Variants in AGMO observed in about 807,000 individuals in gnomAD.
AGMO encodes glyceryl-ether monooxygenase.
AGMO carries 75 observed loss-of-function variants against 60.2 expected under a neutral mutation model. The ratio of observed to expected loss-of-function variants is 1.25; its 90% confidence interval spans 1.03 to 1.51. The LOEUF (loss-of-function observed/expected upper bound fraction) is 1.51. Among genes scored for constraint, AGMO ranks in the 40% most tolerant of loss-of-function variants. The pLI, the probability that AGMO is intolerant of heterozygous loss-of-function variation, is 0.00. For synonymous variants in AGMO, 261 were observed against 177.1 expected (o/e 1.47, Z -3.76); for missense variants, 763 against 525.5 (o/e 1.45, Z -4.42).
chr7:15,342,707 C>T (rs917351801), intron 12 of AGMO, among the ~76,000 whole-genome samples: 3 of 135,520 alleles, frequency 2.2e-5, no homozygotes, highest in Non-Finnish European at 4.6e-5. Context: ...AGAAAAGGAA[C>T]TGTCATCTCA....
intron 3 of AGMO, among the ~76,000 whole-genome samples, chr7:15,535,364 G>A (rs1784462594): frequency 6.6e-6 from 1 of 151,884 alleles, no homozygotes; most frequent in Non-Finnish European, 1.5e-5. Flanking sequence ...TGGAATAAAA[G>A]AATCGGAATT....
intron 3 of AGMO, among the ~76,000 whole-genome samples, chr7:15,508,830 T>C (rs1783597230): frequency 6.6e-6 from 1 of 152,178 alleles, no homozygotes; most frequent in Admixed American, 6.5e-5. Context: ...TAATAATGTA[T>C]GGATATTTAA....
intron 12 of AGMO, among the ~76,000 whole-genome samples, chr7:15,276,072 G>T (rs1783777038): frequency 6.6e-6 from 1 of 152,098 alleles, no homozygotes; most frequent in Non-Finnish European, 1.5e-5. Context: ...TCCTAGTGTT[G>T]TTAGCTAGTT....
Position 15,241,997 on chromosome 7 carries a change from G to T in AGMO, c.1264-40638C>A, listed in dbSNP as rs1476612262. On this transcript the variant is annotated intron_variant, in intron 12 of 12. Coordinates refer to ENST00000342526, the MANE Select transcript of AGMO (RefSeq NM_001004320.2). ...TATATTTCCTCCCTCAATCTTATAAGTATGCCACATGGAATACTTCTTAAG... is the reference window on the plus strand; with the variant it reads ...TATATTTCCTCCCTCAATCTTATAATTATGCCACATGGAATACTTCTTAAG... 2.0e-5 allele frequency among the ~76,000 whole-genome samples: 3 copies of T among 152,068 alleles called. No homozygotes were observed. In the East Asian group the frequency reaches 5.8e-4, roughly 29 times the overall value.
chr7:15,167,313 T>G, the AGMO span, among the ~76,000 whole-genome samples: 4 of 152,206 alleles, frequency 2.6e-5, no homozygotes, highest in Non-Finnish European at 4.4e-5. Context: ...CATTGCTTTA[T>G]AAATTAAGCT....
intron 3 of AGMO, among the ~76,000 whole-genome samples, chr7:15,432,001 T>C (rs1781254965): frequency 6.6e-6 from 1 of 151,796 alleles, no homozygotes; most frequent in African/African-American, 2.4e-5. Flanking sequence ...CCTAACAAAA[T>C]TATAGATCGA....
At chr7:15,169,861 T>C in the AGMO span, among the ~76,000 whole-genome samples, 1 of 152,236 alleles carries the variant, frequency 6.6e-6, no homozygotes, top group African/African-American at 2.4e-5. Flanking sequence ...AGGTCACCCA[T>C]GTATCTGAGG....
At chr7:15,131,008 T>C in the AGMO span, among the ~76,000 whole-genome samples, 4 of 152,150 alleles carry the variant, frequency 2.6e-5, no homozygotes, top group Admixed American at 2.0e-4. Flanking sequence ...GAGCTTCTAA[T>C]TGCCAATAGC....
At chr7:15,387,366 GAC>G in intron 9 of AGMO, 38 bp downstream of exon 9, 1 of 1,600,236 alleles carries the variant, frequency 6.2e-7, no homozygotes, top group Middle Eastern at 1.7e-4. Context: ...GACAATATGA[GAC>G]AATCTTCACC....
intron 3 of AGMO, among the ~76,000 whole-genome samples, chr7:15,501,866 A>C (rs986083180): frequency 3.9e-5 from 6 of 152,076 alleles, no homozygotes; most frequent in Non-Finnish European, 7.4e-5. Context: ...TGCAGAAAAA[A>C]AAATTGATTT....
chr7:15,244,829 T>G (rs760199207), intron 12 of AGMO, among the ~76,000 whole-genome samples: 1 of 152,082 alleles, frequency 6.6e-6, no homozygotes, highest in Non-Finnish European at 1.5e-5. Context: ...TTTTTTTGTA[T>G]TTTTAGTAGA....
At chr7:15,232,826 C>A (rs1046719020) in intron 12 of AGMO, among the ~76,000 whole-genome samples, 38 of 148,292 alleles carry the variant, frequency 2.6e-4, no homozygotes, top group East Asian at 9.8e-4. Flanking sequence ...CACACACACA[C>A]AAAAACTAAA....
chr7:15,327,916 C>G (rs748724428), intron 12 of AGMO, among the ~76,000 whole-genome samples: 15 of 150,534 alleles, frequency 1.0e-4, no homozygotes, highest in Admixed American at 3.3e-4. Context: ...CAGGTGTATG[C>G]CATGTTGCCG....
At chr7:15,432,335 T>TACATAC (rs1781269872) in intron 3 of AGMO, among the ~76,000 whole-genome samples, 1 of 136,642 alleles carries the variant, frequency 7.3e-6, no homozygotes, top group South Asian at 2.3e-4. Flanking sequence ...TATGTATATA[T>TACATAC]ATATATATAT....
chr7:15,297,364 T>C (rs888115107), intron 12 of AGMO, among the ~76,000 whole-genome samples: 1 of 152,192 alleles, frequency 6.6e-6, no homozygotes, highest in Admixed American at 6.5e-5. Flanking sequence ...ATTGTAGTTA[T>C]TGGCATTATG....
chr7:15,324,886 CTGTG>C lies in AGMO; in HGVS notation c.1263+40624_1263+40627del, dbSNP rs1485906001. Among the ~76,000 whole-genome samples the C allele has an allele frequency of 2.6e-5, 4 of 152,058 alleles. No individual in the cohort carries two copies. In the East Asian group the frequency reaches 7.7e-4, roughly 29 times the overall value. On this transcript the variant is annotated intron_variant, in intron 12 of 12. Coordinates refer to ENST00000342526, the MANE Select transcript of AGMO (RefSeq NM_001004320.2). ...TTATTTGCCTGCTGCTCACCTCCTG[CTGTG>C]TGGTCCGGTTCCTAATAGGCCACCA...
In AGMO at chr7:15,251,710, C is replaced by A. The variant is rs1782943217; in HGVS notation, c.1264-50351G>T. On this transcript the variant is annotated intron_variant, in intron 12 of 12. Coordinates refer to ENST00000342526, the MANE Select transcript of AGMO (RefSeq NM_001004320.2). ...TAGAAGGCTAGTGTTAGACATTCCTCCCAGTTGAGTCCTTGCAGCAGCCAT... is the reference window on the plus strand; with the variant it reads ...TAGAAGGCTAGTGTTAGACATTCCTACCAGTTGAGTCCTTGCAGCAGCCAT... Among the ~76,000 whole-genome samples the A allele has an allele frequency of 2.6e-5, 4 of 152,248 alleles. No individual in the cohort carries two copies. The South Asian group carries it at 8.3e-4, about 32-fold the overall frequency.
chr7:15,394,744 T>G (rs1236036036), intron 5 of AGMO, among the ~76,000 whole-genome samples: 1 of 152,192 alleles, frequency 6.6e-6, no homozygotes, highest in Non-Finnish European at 1.5e-5. Flanking sequence ...CAGCAACGAC[T>G]TACTATTGCA....
At chr7:15,303,229 A>G (rs1780502677) in intron 12 of AGMO, among the ~76,000 whole-genome samples, 1 of 152,140 alleles carries the variant, frequency 6.6e-6, no homozygotes, top group African/African-American at 2.4e-5. Context: ...AATACCAAGG[A>G]GTTTTCAGAA....
Sources: gnomAD v4.1 joint callset for allele counts (sites outside exome capture counted in the v4.1 genomes callset) on GRCh38, gnomAD v4.1.1 for gene constraint, MANE v1.5 for transcripts, NCBI Gene and HGNC (gene_info 2026-07-23, HGNC 2026-07-21) for gene names.